The following FOXO3 variants were observed in gnomAD, a reference collection of about 807,000 sequenced individuals.
The protein encoded by FOXO3 is forkhead box O3.
Under a neutral mutation model 41.9 loss-of-function variants are expected in FOXO3, and 4 were observed. The observed-to-expected ratio is 0.10, with a 90% CI of 0.05 to 0.22. FOXO3 has a LOEUF of 0.22. FOXO3 is among the 10% of genes least tolerant of loss of function. The pLI is 1.00. For synonymous variants in FOXO3, 318 were observed against 389.3 expected, an observed-to-expected ratio of 0.82 and a Z score of 2.16; for missense variants, 534 against 906.8, an observed-to-expected ratio of 0.59 and a Z score of 5.28.
intron 1 of FOXO3, among the ~76,000 whole-genome samples, chr6:108,594,284 GA>G (rs1208800624): frequency 6.6e-6 from 1 of 152,012 alleles, no homozygotes; most frequent in Non-Finnish European, 1.5e-5. Context: ...TAACTTTAGA[GA>G]AAAAAAGGAG....
Position 108,675,562 on chromosome 6 carries a change from C to T in FOXO3, c.*35-4265C>T, listed in dbSNP as rs148385743. ...GATTGCATTAATATCAATTCCTTAT[C>T]TCTCCTAAGTGTTCCATATTTAGTC... On this transcript the variant is annotated intron_variant, in intron 2 of 2. Coordinates refer to ENST00000406360, the MANE Select transcript of FOXO3 (RefSeq NM_001455.4). 8.9e-4 allele frequency among the ~76,000 whole-genome samples: 136 copies of T among 152,316 alleles called. 1 individual carries two copies. Among genetic ancestry groups the T allele is most frequent in the South Asian group, 8.1e-3 (39 of 4,824 alleles).
chr6:108,605,471 G>C (rs1208296214), intron 1 of FOXO3, among the ~76,000 whole-genome samples: 1 of 152,002 alleles, frequency 6.6e-6, no homozygotes, highest in African/African-American at 2.4e-5. Flanking sequence ...AATAATTTCT[G>C]AGCATTCACT....
intron 1 of FOXO3, among the ~76,000 whole-genome samples, chr6:108,641,413 C>T (rs1297074999): frequency 6.6e-6 from 1 of 152,128 alleles, no homozygotes; most frequent in Non-Finnish European, 1.5e-5. Context: ...CTTCTCCCCA[C>T]TCAGAGCCCT....
chr6:108,639,476 C>T (rs1025003614), intron 1 of FOXO3: 2 of 825,450 alleles, frequency 2.4e-6, no homozygotes, highest in South Asian at 1.1e-4. Flanking sequence ...CATGTTCTTT[C>T]TGTGCTTTGC....
At chr6:108,611,001 A>G (rs1481122828) in intron 1 of FOXO3, among the ~76,000 whole-genome samples, 2 of 152,150 alleles carry the variant, frequency 1.3e-5, no homozygotes, top group Non-Finnish European at 2.9e-5. Flanking sequence ...AAATTCCCTC[A>G]TGGCTTATTT....
intron 2 of FOXO3, among the ~76,000 whole-genome samples, chr6:108,674,810 T>C (rs1770520493): frequency 6.6e-6 from 1 of 152,152 alleles, no homozygotes; most frequent in South Asian, 2.1e-4. Context: ...GTTTTGGATA[T>C]TATAATAAAG....
chr6:108,570,153 C>G (rs375094317), intron 1 of FOXO3, among the ~76,000 whole-genome samples: 12 of 151,908 alleles, frequency 7.9e-5, no homozygotes, highest in African/African-American at 2.9e-4. Flanking sequence ...GCGTTCGCCA[C>G]CACTCCCAGC....
intron 1 of FOXO3, among the ~76,000 whole-genome samples, chr6:108,658,262 T>C (rs1778746264): frequency 6.6e-6 from 1 of 152,112 alleles, no homozygotes; most frequent in African/African-American, 2.4e-5. Flanking sequence ...ATGGATTTTG[T>C]CAATGGAAGG....
At chr6:108,653,463 G>A (rs1222784649) in intron 1 of FOXO3, among the ~76,000 whole-genome samples, 1 of 152,204 alleles carries the variant, frequency 6.6e-6, no homozygotes, top group African/African-American at 2.4e-5. Flanking sequence ...TCAAGGCCAG[G>A]TGGTGTGAGT....
rs1192099755 is a variant in FOXO3 at position 108,682,332 on chromosome 6, C to T, written c.*2540C>T. 6.6e-6 allele frequency: 1 copy of T among 152,580 alleles called. No individual in the cohort carries two copies. Among genetic ancestry groups the T allele is most frequent in the Non-Finnish European group, 1.5e-5 (1 of 68,048 alleles). 9.5% of individuals were successfully genotyped at this position (152,580 alleles called of 1,614,324 possible). A position where few individuals can be genotyped will look rare whatever the true frequency, so the allele number is the denominator to read the frequency against. ...GGAAGGGACAGAGAAGGTACAAGGG[C>T]AAGGCAGCACAAAACAGATCAGGAG... On this transcript the variant is annotated 3_prime_UTR_variant, in exon 3 of 3. Coordinates refer to ENST00000406360, the MANE Select transcript of FOXO3 (RefSeq NM_001455.4).
At position 108,663,764 on chromosome 6, in the gene FOXO3, T is replaced by C. The variant is rs1426796681; in HGVS notation, c.931T>C (p.Ser311Pro). Residue 311 changes from serine to proline, a missense_variant, in exon 2 of 3, where the codon TCA (serine) becomes CCA (proline). Ser to Pro is a moderately conservative substitution (Grantham distance 74). Transcript: ENST00000406360. ...GCTGGATGCGTGGACGGACTTCCGTTCACGCACCAATTCTAACGCCAGCAC... is the reference window on the plus strand; with the variant it reads ...GCTGGATGCGTGGACGGACTTCCGTCCACGCACCAATTCTAACGCCAGCAC... ...DELDAWTDFR[S>P]RTNSNASTVS... 6.2e-7 allele frequency: 1 copy of C among 1,613,878 alleles called. No individual in the cohort carries two copies. Among genetic ancestry groups the C allele is most frequent in the Admixed American group, 1.7e-5 (1 of 60,014 alleles).
chr6:108,594,022 G>A (rs1386562853), intron 1 of FOXO3, among the ~76,000 whole-genome samples: 2 of 152,022 alleles, frequency 1.3e-5, no homozygotes, highest in African/African-American at 2.4e-5. Context: ...ACCGGCCTTT[G>A]CTGTGTATTT....
intron 1 of FOXO3, among the ~76,000 whole-genome samples, chr6:108,646,781 A>G (rs1021647758): frequency 1.3e-5 from 2 of 152,222 alleles, no homozygotes; most frequent in Non-Finnish European, 2.9e-5. Context: ...TGCAGATGCT[A>G]ACCTTACTCA....
intron 1 of FOXO3, among the ~76,000 whole-genome samples, chr6:108,608,136 A>G (rs1056482637): frequency 1.3e-5 from 2 of 152,202 alleles, no homozygotes; most frequent in Non-Finnish European, 1.5e-5. Flanking sequence ...AGTAATGTGC[A>G]AATTCATATG....
chr6:108,649,515 CTTTTTTTTTTT>C (rs886836999), intron 1 of FOXO3, among the ~76,000 whole-genome samples: 11 of 95,206 alleles, frequency 1.2e-4, no homozygotes, highest in Admixed American at 2.1e-4. Flanking sequence ...CCACCCTCAG[CTTTTTTTTTTT>C]TTTTTTTTTT....
rs77595303 is a variant in FOXO3, at chr6:108,635,585, T to C, written c.622-27870T>C. Among the ~76,000 whole-genome samples the C allele has an allele frequency of 4.2e-3, 645 of 152,282 alleles. 4 individuals are homozygous for C. The highest frequency in any genetic ancestry group is 0.015 in the African/African-American group (618 of 41,554). ...TCATGATTCTATAACAAGAAGTGTC[T>C]TTAGACATGTCAGGAGCTGAGCTGC... On this transcript the variant is annotated intron_variant, in intron 1 of 2. Transcript: ENST00000406360.
chr6:108,586,669 A>G (rs1776586350), intron 1 of FOXO3, among the ~76,000 whole-genome samples: 1 of 152,162 alleles, frequency 6.6e-6, no homozygotes, highest in African/African-American at 2.4e-5. Context: ...AGAGAAGGGC[A>G]GAAGACAAAA....
At chr6:108,660,258 A>T (rs1399060355) in intron 1 of FOXO3, among the ~76,000 whole-genome samples, 2 of 152,208 alleles carry the variant, frequency 1.3e-5, no homozygotes, top group Non-Finnish European at 2.9e-5. Flanking sequence ...AGCATGCTTC[A>T]TACCTATTGC....
At chr6:108,631,489 G>A (rs1419942530) in intron 1 of FOXO3, among the ~76,000 whole-genome samples, 1 of 152,158 alleles carries the variant, frequency 6.6e-6, no homozygotes, top group Non-Finnish European at 1.5e-5. Context: ...GGAGGTGGAG[G>A]GAGGAAAAGA....
Sources: allele counts gnomAD v4.1 joint callset (sites outside exome capture counted in the v4.1 genomes callset), GRCh38; gene constraint gnomAD v4.1.1; transcripts MANE v1.5; gene names NCBI Gene and HGNC (gene_info 2026-07-23, HGNC 2026-07-21).